GLDC: variants seen among roughly 807,000 people sequenced by gnomAD.
GLDC encodes the protein glycine dehydrogenase (decarboxylating), mitochondrial.
GLDC carries 104 observed loss-of-function variants against 121.3 expected under a neutral mutation model. The ratio of observed to expected loss-of-function variants is 0.86; its 90% CI spans 0.73 to 1.01. The LOEUF is 1.01. Among genes scored for constraint, GLDC ranks in the 50% least tolerant of loss-of-function variants. GLDC has a pLI of 0.00. For synonymous variants in GLDC, 546 were observed against 480.6 expected, an observed-to-expected ratio of 1.14 and a Z score of -1.78; for missense variants, 1,429 against 1,306.6, an observed-to-expected ratio of 1.09 and a Z score of -1.44.
chr9:6,567,175 T>C (rs1817871018), intron 15 of GLDC: 1 of 152,222 alleles, frequency 6.6e-6, no homozygotes, highest in African/African-American at 2.4e-5. Flanking sequence ...AAGCCTGTCT[T>C]ACAAGACCTG....
At chr9:6,642,253 G>C (rs1419618503) in intron 2 of GLDC, among the ~76,000 whole-genome samples, 1 of 152,170 alleles carries the variant, frequency 6.6e-6, no homozygotes, top group African/African-American at 2.4e-5. Flanking sequence ...ATATGGCATG[G>C]GCATGGTGGC....
chr9:6,588,595 G>GA (rs544521880), intron 13 of GLDC, 23 bp downstream of exon 13: 2 of 1,583,044 alleles, frequency 1.3e-6, no homozygotes, highest in South Asian at 1.1e-5. Flanking sequence ...TTGGAAATGA[G>GA]AAAAAAGGCC....
At chr9:6,544,599 A>T (rs187197282) in intron 21 of GLDC, among the ~76,000 whole-genome samples, 58 of 147,534 alleles carry the variant, frequency 3.9e-4, no homozygotes, top group Middle Eastern at 3.5e-3. Context: ...AGATTGCACC[A>T]CTGGACTCTA....
intron 8 of GLDC, among the ~76,000 whole-genome samples, chr9:6,595,762 G>C (rs1032802260): frequency 6.6e-6 from 1 of 152,100 alleles, no homozygotes; most frequent in South Asian, 2.1e-4. Flanking sequence ...CCAGGATTTC[G>C]AGGTTACAGT....
In GLDC at chr9:6,602,241, A is replaced by T. The variant is rs115825681; in HGVS notation, c.1059-36T>A. 2,835 of 1,214,350 alleles carry T rather than the reference A, an allele frequency of 2.3e-3. 50 individuals are homozygous for T. In the African/African-American group the frequency reaches 0.037, roughly 16 times the overall value. 75.2% of individuals were successfully genotyped at this position (1,214,350 alleles called of 1,614,324 possible). On this transcript the variant is annotated intron_variant, in intron 7 of 24. Coordinates refer to ENST00000321612, the MANE Select transcript of GLDC (RefSeq NM_000170.3). ...AATAAGGCATCCAGTTAGCACAGAT[A>T]ATCACAGCACTGGGAGATGCTATAA...
chr9:6,556,072 CT>C, intron 18 of GLDC, 80 bp downstream of exon 18: 1 of 1,253,254 alleles, frequency 8.0e-7, no homozygotes, highest in Non-Finnish European at 1.2e-6. Context: ...CAGGAAGCCT[CT>C]CAAGAAGTCA....
chr9:6,621,676 C>A (rs1252319293), intron 2 of GLDC, among the ~76,000 whole-genome samples: 1 of 152,150 alleles, frequency 6.6e-6, no homozygotes, highest in African/African-American at 2.4e-5. Context: ...CATCACCACA[C>A]CTGGCTAATT....
chr9:6,639,095 A>G (rs1421032100), intron 2 of GLDC: 1 of 702,274 alleles, frequency 1.4e-6, no homozygotes, highest in Non-Finnish European at 2.6e-6. Context: ...TGACAGTCCA[A>G]TCTGCCTATT....
intron 8 of GLDC, among the ~76,000 whole-genome samples, chr9:6,601,781 C>T (rs556371212): frequency 2.0e-5 from 3 of 152,234 alleles, no homozygotes; most frequent in East Asian, 3.9e-4. Flanking sequence ...CATACCACCA[C>T]TGACGGCTAA....
intron 7 of GLDC, among the ~76,000 whole-genome samples, chr9:6,603,679 C>G (rs1167397138): frequency 3.3e-5 from 5 of 151,862 alleles, no homozygotes; most frequent in African/African-American, 9.7e-5. Flanking sequence ...CTAAATTTCC[C>G]CAGTAATAAT....
intron 21 of GLDC, among the ~76,000 whole-genome samples, chr9:6,544,638 CAAAAA>C (rs5896155): frequency 7.8e-4 from 82 of 105,644 alleles, no homozygotes; most frequent in Admixed American, 1.6e-3. Context: ...GACTCTGTCT[CAAAAA>C]AAAAAAAAAA....
chr9:6,642,937 T>C (rs1332384591), intron 2 of GLDC, among the ~76,000 whole-genome samples: 1 of 152,018 alleles, frequency 6.6e-6, no homozygotes, highest in African/African-American at 2.4e-5. Flanking sequence ...CTCACTCTGT[T>C]ACTCAGGTGG....
At chr9:6,636,108 G>C (rs2129999751) in intron 2 of GLDC, among the ~76,000 whole-genome samples, 1 of 152,090 alleles carries the variant, frequency 6.6e-6, no homozygotes, top group East Asian at 1.9e-4. Flanking sequence ...TTCAAGACCA[G>C]CCTGGCTAAC....
At position 6,634,290 on chromosome 9, in the gene GLDC, G is replaced by C. The variant is rs554363583; in HGVS notation, c.334+10324C>G. Among the ~76,000 whole-genome samples, 5 of 152,092 alleles carry C rather than the reference G, an allele frequency of 3.3e-5. No individual in the cohort carries two copies. In the South Asian group the frequency reaches 8.3e-4, roughly 25 times the overall value. ...CATGCCTCTAATTCCAGCACTTTGA[G>C]AGGCCAAGGCAGGCGGGTTGCTTGA... On this transcript the variant is annotated intron_variant, in intron 2 of 24. Transcript: ENST00000321612.
intron 3 of GLDC, among the ~76,000 whole-genome samples, chr9:6,611,107 T>C (rs1228074224): frequency 6.6e-6 from 1 of 152,222 alleles, no homozygotes; most frequent in Non-Finnish European, 1.5e-5. Context: ...TTAAGAATTC[T>C]CATTATCCAG....
At chr9:6,643,038 C>T (rs1819659653) in intron 2 of GLDC, among the ~76,000 whole-genome samples, 1 of 152,060 alleles carries the variant, frequency 6.6e-6, no homozygotes, top group African/African-American at 2.4e-5. Flanking sequence ...GCTGGGATTA[C>T]AGGCGCACAC....
At chr9:6,629,898 T>C (rs1262446703) in intron 2 of GLDC, among the ~76,000 whole-genome samples, 1 of 145,598 alleles carries the variant, frequency 6.9e-6, no homozygotes, top group Non-Finnish European at 1.5e-5. Flanking sequence ...AAATACAAGA[T>C]AATAGATGTG....
Position 6,632,405 on chromosome 9 carries a change from A to G in GLDC, c.335-12086T>C, listed in dbSNP as rs188029707. ...AGACTTCCCAAAATTTTATTTCTTC[A>G]TTGTTCAGTCAGTTAGTATGTTGAT... On this transcript the variant is annotated intron_variant, in intron 2 of 24. Coordinates refer to ENST00000321612, the MANE Select transcript of GLDC (RefSeq NM_000170.3). Among the ~76,000 whole-genome samples the G allele has an allele frequency of 9.2e-5, 14 of 152,320 alleles. No individual in the cohort carries two copies. In the East Asian group the frequency reaches 2.1e-3, roughly 23 times the overall value.
intron 16 of GLDC, among the ~76,000 whole-genome samples, chr9:6,562,366 A>AC (rs1817774662): frequency 6.6e-6 from 1 of 152,168 alleles, no homozygotes; most frequent in Non-Finnish European, 1.5e-5. Context: ...CTTCTGTAGC[A>AC]CATGATTTCC....
Sources: gnomAD v4.1 joint callset for allele counts (sites outside exome capture counted in the v4.1 genomes callset) on GRCh38, gnomAD v4.1.1 for gene constraint, MANE v1.5 for transcripts, NCBI Gene and HGNC (gene_info 2026-07-23, HGNC 2026-07-21) for gene names.